EFCAB11: variants seen among roughly 807,000 people sequenced by gnomAD.
EFCAB11 encodes EF-hand calcium-binding domain-containing protein 11.
A neutral mutation model predicts 23.0 loss-of-function variants in EFCAB11; 14 were observed. That is an observed-to-expected ratio of 0.61 (90% confidence interval 0.40 to 0.95). EFCAB11 has a LOEUF of 0.95. Among genes scored for constraint, EFCAB11 ranks in the 40% least tolerant of loss-of-function variants. The pLI is 0.00. For missense variants in EFCAB11, 198 were observed against 195.8 expected, an observed-to-expected ratio of 1.01 and a Z score of -0.07; for synonymous variants, 65 against 66.6, an observed-to-expected ratio of 0.98 and a Z score of 0.11.
intron 5 of EFCAB11, among the ~76,000 whole-genome samples, chr14:89,852,141 G>C (rs1887618120): frequency 6.6e-6 from 1 of 152,172 alleles, no homozygotes; most frequent in South Asian, 2.1e-4. Context: ...ACGCAGTCTT[G>C]TTGTATCATA....
chr14:89,899,445 A>G (rs1441602417), intron 5 of EFCAB11, among the ~76,000 whole-genome samples: 1 of 152,198 alleles, frequency 6.6e-6, no homozygotes, highest in Non-Finnish European at 1.5e-5. Flanking sequence ...CATGCCAAAC[A>G]GTCCCAGGCT....
At chr14:89,952,874 G>A (rs1369842220) in intron 2 of EFCAB11, among the ~76,000 whole-genome samples, 1 of 152,126 alleles carries the variant, frequency 6.6e-6, no homozygotes, top group African/African-American at 2.4e-5. Flanking sequence ...GATGGTGGCA[G>A]CTCAATTTCT....
intron 5 of EFCAB11, among the ~76,000 whole-genome samples, chr14:89,802,077 T>G (rs912228075): frequency 6.6e-6 from 1 of 152,200 alleles, no homozygotes; most frequent in Non-Finnish European, 1.5e-5. Context: ...CATAACAATT[T>G]CTTAGAATGT....
intron 5 of EFCAB11, among the ~76,000 whole-genome samples, chr14:89,908,743 T>C (rs1487554219): frequency 6.6e-6 from 1 of 152,140 alleles, no homozygotes; most frequent in Admixed American, 6.6e-5. Context: ...TATTGTTCTA[T>C]GTAGGTATAC....
chr14:89,907,724 G>A (rs1889542298), intron 5 of EFCAB11, among the ~76,000 whole-genome samples: 4 of 152,156 alleles, frequency 2.6e-5, no homozygotes, highest in Admixed American at 2.0e-4. Context: ...CCTGTGGGGA[G>A]AGAGAAAAAG....
At chr14:89,813,650 C>T (rs911769236) in intron 5 of EFCAB11, among the ~76,000 whole-genome samples, 5 of 151,192 alleles carry the variant, frequency 3.3e-5, no homozygotes, top group African/African-American at 1.2e-4. Context: ...CCCTGCCCCA[C>T]CTTCTACCCT....
intron 5 of EFCAB11, among the ~76,000 whole-genome samples, chr14:89,885,697 G>C (rs555878142): frequency 1.4e-5 from 2 of 147,634 alleles, no homozygotes; most frequent in Non-Finnish European, 3.0e-5. Context: ...GAGAGAAAGA[G>C]AGAGAAAGAG....
chr14:89,856,180 C>T (rs922991317), intron 5 of EFCAB11, among the ~76,000 whole-genome samples: 2 of 94,292 alleles, frequency 2.1e-5, no homozygotes, highest in Non-Finnish European at 5.1e-5. Context: ...TTTTTAATTT[C>T]TCTCTCTCTC....
At chr14:89,864,042 C>T (rs899413017) in intron 5 of EFCAB11, among the ~76,000 whole-genome samples, 2 of 152,282 alleles carry the variant, frequency 1.3e-5, no homozygotes, top group African/African-American at 4.8e-5. Context: ...CTAATATAAC[C>T]AATGAGGAAC....
intron 5 of EFCAB11, among the ~76,000 whole-genome samples, chr14:89,824,984 C>A (rs889616847): frequency 6.6e-6 from 1 of 151,378 alleles, no homozygotes; most frequent in Non-Finnish European, 1.5e-5. Flanking sequence ...AATAATATGA[C>A]CAACACCATC....
At chr14:89,826,612 G>T (rs967255345) in intron 5 of EFCAB11, among the ~76,000 whole-genome samples, 1 of 152,162 alleles carries the variant, frequency 6.6e-6, no homozygotes, top group African/African-American at 2.4e-5. Context: ...ATGACTTATA[G>T]TAGGATGGTA....
chr14:89,921,888 T>A (rs1212248051), intron 5 of EFCAB11, among the ~76,000 whole-genome samples: 2 of 150,602 alleles, frequency 1.3e-5, no homozygotes, highest in Admixed American at 1.3e-4. Flanking sequence ...TACAGATTTC[T>A]CTTATTTTAT....
At chr14:89,912,855 G>C (rs1043200542) in intron 5 of EFCAB11, among the ~76,000 whole-genome samples, 1 of 152,236 alleles carries the variant, frequency 6.6e-6, no homozygotes, top group African/African-American at 2.4e-5. Context: ...ATGGGAAGAT[G>C]AATGTTTCAT....
At chr14:89,841,768 T>C (rs1235632090) in intron 5 of EFCAB11, among the ~76,000 whole-genome samples, 1 of 152,132 alleles carries the variant, frequency 6.6e-6, no homozygotes, top group East Asian at 1.9e-4. Context: ...TAGATGTTGG[T>C]ACCCCCAGGG....
At chr14:89,932,457 G>GCAGTAATATAATCTTCCAAGTATAT in intron 4 of EFCAB11, 69 bp downstream of exon 4, 2 of 1,130,664 alleles carry the variant, frequency 1.8e-6, no homozygotes, top group Non-Finnish European at 2.6e-6. Context: ...GATTTACTGG[G>GCAGTAATATAATCTTCCAAGTATAT]TATATAATCC....
intron 5 of EFCAB11, among the ~76,000 whole-genome samples, chr14:89,858,779 G>T (rs1414827169): frequency 6.6e-6 from 1 of 151,138 alleles, no homozygotes; most frequent in Non-Finnish European, 1.5e-5. Context: ...ACTGTGCCTG[G>T]CCAATGATGA....
intron 5 of EFCAB11, among the ~76,000 whole-genome samples, chr14:89,877,922 T>C (rs1888489524): frequency 6.6e-6 from 1 of 152,222 alleles, no homozygotes; most frequent in Non-Finnish European, 1.5e-5. Context: ...AGAAGCACTG[T>C]GAAGCTTTAT....
At chr14:89,846,042 C>T (rs1440129149) in intron 5 of EFCAB11, among the ~76,000 whole-genome samples, 1 of 152,192 alleles carries the variant, frequency 6.6e-6, no homozygotes, top group Non-Finnish European at 1.5e-5. Context: ...GGGACTTAAC[C>T]TCTCTAATCT....
At chr14:89,840,462 A>G (rs1376687841) in intron 5 of EFCAB11, among the ~76,000 whole-genome samples, 2 of 152,248 alleles carry the variant, frequency 1.3e-5, no homozygotes, top group Non-Finnish European at 2.9e-5. Flanking sequence ...GATGCAGAAC[A>G]CAGCATGTTC....
Sources: gnomAD v4.1 joint callset for allele counts (sites outside exome capture counted in the v4.1 genomes callset) on GRCh38, gnomAD v4.1.1 for gene constraint, MANE v1.5 for transcripts, NCBI Gene and HGNC (gene_info 2026-07-23, HGNC 2026-07-21) for gene names.